The following RAP1GAP2 variants were observed in gnomAD, a reference collection of about 807,000 sequenced individuals.
The protein encoded by RAP1GAP2 is rap1 GTPase-activating protein 2.
Under a neutral mutation model 95.0 loss-of-function variants are expected in RAP1GAP2, and 27 were observed. That is an observed-to-expected ratio of 0.28 (90% CI 0.21 to 0.39). RAP1GAP2 has a LOEUF of 0.39. Among genes scored for constraint, RAP1GAP2 ranks in the 10% least tolerant of loss-of-function variants. RAP1GAP2 has a pLI of 1.00. For missense variants in RAP1GAP2, 771 were observed against 970.0 expected (o/e 0.79, Z 2.72); for synonymous variants, 373 against 380.9 (o/e 0.98, Z 0.24).
At chr17:2,781,532 CTGTG>C (rs538442906) in intron 1 of RAP1GAP2, among the ~76,000 whole-genome samples, 6 of 151,946 alleles carry the variant, frequency 3.9e-5, no homozygotes, top group Admixed American at 2.0e-4. Flanking sequence ...GAGCACGTCT[CTGTG>C]TGAGCACGTC....
At chr17:2,795,676 G>A (rs931952216), upstream of RAP1GAP2, among the ~76,000 whole-genome samples, 3 of 152,330 alleles carry the variant, frequency 2.0e-5, no homozygotes, top group East Asian at 1.9e-4. Flanking sequence ...TGTGGTCTGA[G>A]TATGTGGATG....
intron 2 of RAP1GAP2, among the ~76,000 whole-genome samples, chr17:2,893,280 A>T (rs1490935147): frequency 6.6e-6 from 1 of 152,090 alleles, no homozygotes; most frequent in Admixed American, 6.6e-5. Context: ...ACCTCAGGTG[A>T]TCTGCCTGCC....
chr17:2,807,557 G>A (rs1030862958), intron 2 of RAP1GAP2, among the ~76,000 whole-genome samples: 56 of 152,244 alleles, frequency 3.7e-4, no homozygotes, highest in African/African-American at 1.3e-3. Flanking sequence ...ATGGAGGGGG[G>A]CCTCCTGGAG....
chr17:2,944,877 A>G (rs1327861412), intron 3 of RAP1GAP2, among the ~76,000 whole-genome samples: 1 of 151,894 alleles, frequency 6.6e-6, no homozygotes, highest in African/African-American at 2.4e-5. Flanking sequence ...ATTCTTTTTA[A>G]TGCTATTTTA....
intron 1 of RAP1GAP2, among the ~76,000 whole-genome samples, chr17:2,780,305 C>T (rs1053969499): frequency 6.6e-5 from 10 of 152,214 alleles, no homozygotes; most frequent in African/African-American, 2.4e-4. Flanking sequence ...CCCGCCCTGG[C>T]CTCCCAAAGT....
chr17:2,781,596 CTG>C (rs1295609518), intron 1 of RAP1GAP2, among the ~76,000 whole-genome samples: 1 of 146,760 alleles, frequency 6.8e-6, no homozygotes, highest in Non-Finnish European at 1.5e-5. Flanking sequence ...GGGCACGTCT[CTG>C]TGTGTGCAGG....
chr17:2,857,178 C>G lies in RAP1GAP2; in HGVS notation c.81-48106C>G, dbSNP rs555879677. Reference sequence around the variant, plus strand: ...CTCCCAGAAGGCTTGATCCATCCATCGATCTTCCCAGCACCTGTAATTGAC... The same window carrying G: ...CTCCCAGAAGGCTTGATCCATCCATGGATCTTCCCAGCACCTGTAATTGAC... On this transcript the variant is annotated intron_variant, in intron 2 of 24. Transcript: ENST00000254695. This position sits in a 1 kb window ranked among gnomAD's most constrained non-coding sequence, Gnocchi z 4.0. 6.6e-6 allele frequency among the ~76,000 whole-genome samples: 1 copy of G among 152,330 alleles called. No individual in the cohort carries two copies. Among genetic ancestry groups the G allele is most frequent in the South Asian group, 2.1e-4 (1 of 4,822 alleles).
At position 3,027,833 on chromosome 17, in the gene RAP1GAP2, T is replaced by G. The variant is rs2047176224; in HGVS notation, c.2107+763T>G. 6.6e-6 allele frequency among the ~76,000 whole-genome samples: 1 copy of G among 150,584 alleles called. No individual in the cohort carries two copies. Among genetic ancestry groups the G allele is most frequent in the Non-Finnish European group, 1.5e-5 (1 of 67,670 alleles). Reference sequence around the variant, plus strand: ...GGGAGCTGCGGCAGAAGCACCTCGGTTCAGGAGAGATCAAGGAGGTAAAAT... The same window carrying G: ...GGGAGCTGCGGCAGAAGCACCTCGGGTCAGGAGAGATCAAGGAGGTAAAAT... On this transcript the variant is annotated intron_variant, in intron 22 of 24. Transcript: ENST00000254695. This position sits in a 1 kb window ranked among gnomAD's most constrained non-coding sequence, Gnocchi z 5.2.
rs545193575 is a variant in RAP1GAP2, at chr17:3,037,277, C to G, written c.*3916C>G. ...GGCTCTGTCCTGTGCCTTACCAGCC[C>G]TGGGGAGGGGGGCATTTGGCTGGAA... On this transcript the variant is annotated 3_prime_UTR_variant, in exon 25 of 25. Transcript: ENST00000254695. 1 of 146,072 alleles carries G rather than the reference C, an allele frequency of 6.8e-6. No individual in the cohort carries two copies. The highest frequency in any genetic ancestry group is 1.5e-5 in the Non-Finnish European group (1 of 67,098). 9.0% of individuals were successfully genotyped at this position (146,072 alleles called of 1,614,324 possible).
chr17:2,995,514 G>A, intron 13 of RAP1GAP2, 48 bp downstream of exon 13: 1 of 1,609,218 alleles, frequency 6.2e-7, no homozygotes, highest in Non-Finnish European at 8.5e-7. Flanking sequence ...GGCGAGGTGA[G>A]GGCCTGCCTC....
In RAP1GAP2 at chr17:2,927,434, T is replaced by G. The variant is rs545279744; in HGVS notation, c.165+22066T>G. The stretch of plus-strand genomic sequence containing the variant: ...TCCCAAAGTGCTGGGATTACAGGCG[T>G]GAGCCACCGCGCCCGGCTGAGCAAG... On this transcript the variant is annotated intron_variant, in intron 3 of 24. Transcript: ENST00000254695. Among the ~76,000 whole-genome samples, 175 of 151,900 alleles carry G rather than the reference T, an allele frequency of 1.2e-3. 1 individual carries two copies. The highest frequency in any genetic ancestry group is 2.0e-3 in the Admixed American group (31 of 15,262).
At chr17:2,998,154 T>C in intron 13 of RAP1GAP2, 67 bp from the exon 14 acceptor site, 1 of 1,531,496 alleles carries the variant, frequency 6.5e-7, no homozygotes, top group Non-Finnish European at 9.0e-7. Context: ...GTGAACCCAC[T>C]CTTTCCCCAA....
In RAP1GAP2 at chr17:2,902,010, G is replaced by A. The variant is rs994216595; in HGVS notation, c.81-3274G>A. Among the ~76,000 whole-genome samples, 5 of 152,174 alleles carry A rather than the reference G, an allele frequency of 3.3e-5. No individual in the cohort carries two copies. ...AAAGCCGCAGACATTTATTATTTCA[G>A]TTCTGGAGGCCAGAAGTCCAAAATC... is the stretch of plus-strand genomic sequence containing the variant. On this transcript the variant is annotated intron_variant, in intron 2 of 24. Coordinates refer to ENST00000254695, the MANE Select transcript of RAP1GAP2 (RefSeq NM_015085.5). The surrounding 1 kb of genome is among the most constrained non-coding windows in gnomAD (Gnocchi z 4.1).
upstream of RAP1GAP2, among the ~76,000 whole-genome samples, chr17:2,794,766 C>T (rs566698825): frequency 9.9e-5 from 15 of 151,796 alleles, no homozygotes; most frequent in Admixed American, 3.9e-4. Flanking sequence ...CACCTCAGCA[C>T]GGAGTCTAGG....
chr17:3,020,293 C>T (rs1284319969), intron 18 of RAP1GAP2, among the ~76,000 whole-genome samples, 184 bp from the exon 19 acceptor site: 5 of 152,234 alleles, frequency 3.3e-5, no homozygotes, highest in Non-Finnish European at 7.3e-5. Context: ...GGGAAGGAGG[C>T]TGTGACTGGC....
intron 2 of RAP1GAP2, among the ~76,000 whole-genome samples, chr17:2,856,013 G>A (rs546015076): frequency 2.6e-5 from 4 of 152,340 alleles, no homozygotes; most frequent in African/African-American, 4.8e-5. Context: ...TGATGCCAGC[G>A]ACATGTGTGT....
chr17:2,964,019 T>C lies in RAP1GAP2; in HGVS notation c.443T>C (p.Leu148Pro). 1 of 1,610,572 alleles carries C rather than the reference T, an allele frequency of 6.2e-7. No individual in the cohort carries two copies. Among genetic ancestry groups the C allele is most frequent in the Non-Finnish European group, 8.5e-7 (1 of 1,179,086 alleles). ...AGCCCCAACACATTTGGCTACAAGC[T>C]CGAGTGCAAGGGTGAAGCCAGGGCC... ...NLSPNTFGYK[L>P]ECKGEARAYR... Residue 148 changes from leucine to proline, a missense_variant, in exon 7 of 25, where the codon CTC (leucine) becomes CCC (proline). By Grantham distance (98) the Leu-to-Pro change is moderately conservative. Coordinates refer to ENST00000254695, the MANE Select transcript of RAP1GAP2 (RefSeq NM_015085.5).
At chr17:2,919,282 T>C (rs1185044773) in intron 3 of RAP1GAP2, among the ~76,000 whole-genome samples, 1 of 152,180 alleles carries the variant, frequency 6.6e-6, no homozygotes, top group African/African-American at 2.4e-5. Context: ...TGCTTTCACC[T>C]CTTGCCTTCT....
At chr17:2,848,252 A>C (rs2071672178) in intron 2 of RAP1GAP2, among the ~76,000 whole-genome samples, 1 of 152,052 alleles carries the variant, frequency 6.6e-6, no homozygotes, top group African/African-American at 2.4e-5. Flanking sequence ...CCGTTTCCAA[A>C]ACCTGAGCCA....
Sources: allele counts gnomAD v4.1 joint callset (sites outside exome capture counted in the v4.1 genomes callset), GRCh38; gene constraint gnomAD v4.1.1; non-coding constraint Gnocchi (gnomAD v3.1); transcripts MANE v1.5; gene names NCBI Gene and HGNC (gene_info 2026-07-23, HGNC 2026-07-21).